The following FHIT variants were observed in gnomAD, a reference collection of about 807,000 sequenced individuals.
The protein encoded by FHIT is bis(5'-adenosyl)-triphosphatase.
FHIT carries 19 observed loss-of-function variants against 17.9 expected under a neutral mutation model. The observed-to-expected ratio is 1.06, with a 90% CI of 0.74 to 1.56. FHIT has a LOEUF of 1.56. FHIT is among the 40% of genes most tolerant of loss of function. The pLI, the probability that FHIT is intolerant of heterozygous loss-of-function variation, is 0.00. For synonymous variants in FHIT, 81 were observed against 69.7 expected, an observed-to-expected ratio of 1.16 and a Z score of -0.81; for missense variants, 248 against 189.2, an observed-to-expected ratio of 1.31 and a Z score of -1.82.
chr3:60,228,299 A>T lies in FHIT; in HGVS notation c.104-214147T>A, dbSNP rs983359616. 1.8e-4 allele frequency among the ~76,000 whole-genome samples: 28 copies of T among 152,172 alleles called. 1 individual carries two copies. Among genetic ancestry groups the T allele is most frequent in the Admixed American group, 1.8e-3 (27 of 15,278 alleles). On this transcript the variant is annotated intron_variant, in intron 5 of 9. Transcript: ENST00000492590. ...CAAAGAAAATTAGTGGTTGCCAGGG[A>T]CATTAAGCATAGGAGAATGAGGGTG...
At chr3:59,823,321 T>A (rs893041114) in intron 8 of FHIT, among the ~76,000 whole-genome samples, 7 of 152,228 alleles carry the variant, frequency 4.6e-5, no homozygotes, top group Non-Finnish European at 5.9e-5. Flanking sequence ...TCTCTAATTC[T>A]GTGAAGAATG....
intron 5 of FHIT, among the ~76,000 whole-genome samples, chr3:60,389,021 A>G (rs1701122307): frequency 6.6e-6 from 1 of 152,168 alleles, no homozygotes; most frequent in Non-Finnish European, 1.5e-5. Context: ...GTCTGGCTGT[A>G]AGTTCCTGAG....
chr3:61,143,585 G>T (rs2037145327), intron 2 of FHIT, among the ~76,000 whole-genome samples: 1 of 152,184 alleles, frequency 6.6e-6, no homozygotes, highest in Admixed American at 6.5e-5. Context: ...AAATTTTCTG[G>T]CTGGGCACAG....
intron 8 of FHIT, among the ~76,000 whole-genome samples, chr3:59,764,692 G>A (rs1172186768): frequency 6.6e-6 from 1 of 151,892 alleles, no homozygotes; most frequent in Non-Finnish European, 1.5e-5. Context: ...TGCTTACCAT[G>A]CATGACAGCA....
At chr3:61,085,837 G>T (rs1395281359) in intron 2 of FHIT, among the ~76,000 whole-genome samples, 2 of 152,030 alleles carry the variant, frequency 1.3e-5, no homozygotes, top group Non-Finnish European at 2.9e-5. Context: ...ACATGCAATT[G>T]TTCCACCTCA....
chr3:61,216,336 C>T (rs1277560270), intron 1 of FHIT, among the ~76,000 whole-genome samples: 1 of 152,058 alleles, frequency 6.6e-6, no homozygotes, highest in Non-Finnish European at 1.5e-5. Context: ...GGGCGAAGGA[C>T]ATGAAGAGAC....
At chr3:60,999,359 T>C (rs2030903514) in intron 3 of FHIT, among the ~76,000 whole-genome samples, 1 of 151,754 alleles carries the variant, frequency 6.6e-6, no homozygotes, top group Non-Finnish European at 1.5e-5. Flanking sequence ...TTGCAAGAAA[T>C]CTAACAGGAT....
intron 5 of FHIT, among the ~76,000 whole-genome samples, chr3:60,396,775 GATTA>G (rs1001123993): frequency 1.6e-4 from 24 of 152,100 alleles, no homozygotes; most frequent in African/African-American, 5.6e-4. Flanking sequence ...CACTTAAAAT[GATTA>G]ATTTTCTATT....
At chr3:60,713,469 A>G (rs1383357163) in intron 4 of FHIT, among the ~76,000 whole-genome samples, 3 of 150,404 alleles carry the variant, frequency 2.0e-5, no homozygotes, top group African/African-American at 7.3e-5. Context: ...AAACCCTTCA[A>G]AAAATTAATG....
At chr3:60,074,325 T>C (rs1051772480) in intron 5 of FHIT, among the ~76,000 whole-genome samples, 3 of 151,962 alleles carry the variant, frequency 2.0e-5, no homozygotes, top group South Asian at 2.1e-4. Flanking sequence ...TCTCCAACCT[T>C]TGTTGGATGG....
In FHIT at chr3:60,013,966, A is replaced by C. The variant is rs774535251; in HGVS notation, c.249+41T>G. On this transcript the variant is annotated intron_variant, in intron 6 of 9. Transcript: ENST00000492590. Reference sequence around the variant, plus strand: ...GGAGCAAGCCCAATGCCGGGATATGAAAGGGAAGAAAAATCATTTCTGAGA... The same window carrying C: ...GGAGCAAGCCCAATGCCGGGATATGCAAGGGAAGAAAAATCATTTCTGAGA... 213 of 1,603,684 alleles carry C rather than the reference A, an allele frequency of 1.3e-4. No homozygotes were observed. In the South Asian group the frequency reaches 1.7e-3, roughly 13 times the overall value.
chr3:60,179,378 C>G (rs1267632717), intron 5 of FHIT, among the ~76,000 whole-genome samples: 1 of 152,176 alleles, frequency 6.6e-6, no homozygotes. Context: ...TTCTATAAAG[C>G]AAAACCATTT....
intron 5 of FHIT, among the ~76,000 whole-genome samples, chr3:60,239,799 T>A (rs1705033417): frequency 6.6e-6 from 1 of 152,128 alleles, no homozygotes; most frequent in Non-Finnish European, 1.5e-5. Context: ...ACCTTACTAA[T>A]AGACTTAGAT....
At chr3:61,168,609 C>A (rs964921089) in intron 2 of FHIT, among the ~76,000 whole-genome samples, 3 of 152,196 alleles carry the variant, frequency 2.0e-5, no homozygotes, top group Non-Finnish European at 2.9e-5. Flanking sequence ...AGAATGGAGG[C>A]CACACAATGT....
chr3:60,208,349 G>C (rs766973237), intron 5 of FHIT, among the ~76,000 whole-genome samples: 14 of 151,668 alleles, frequency 9.2e-5, no homozygotes, highest in Non-Finnish European at 1.5e-4. Context: ...TCAGAGGTAG[G>C]CAAAGTGTAC....
At chr3:60,485,460 A>T (rs2033796863) in intron 5 of FHIT, among the ~76,000 whole-genome samples, 1 of 152,238 alleles carries the variant, frequency 6.6e-6, no homozygotes, top group South Asian at 2.1e-4. Flanking sequence ...ACACCATGGA[A>T]TACTATGCAG....
intron 5 of FHIT, among the ~76,000 whole-genome samples, chr3:60,517,400 G>T (rs141271789): frequency 6.7e-4 from 101 of 151,152 alleles, no homozygotes; most frequent in African/African-American, 2.4e-3. Flanking sequence ...TCAAATATGA[G>T]TTGTCTTTTA....
At chr3:59,813,383 G>A (rs1052690607) in intron 8 of FHIT, among the ~76,000 whole-genome samples, 2 of 152,138 alleles carry the variant, frequency 1.3e-5, no homozygotes, top group African/African-American at 4.8e-5. Context: ...GCCTGAGGAC[G>A]TACCCTCGCA....
intron 5 of FHIT, among the ~76,000 whole-genome samples, chr3:60,089,208 G>C (rs1288515297): frequency 1.3e-5 from 2 of 152,086 alleles, no homozygotes. Context: ...TATAATCAGA[G>C]GTCTTAACAA....
Sources: gnomAD v4.1 joint callset for allele counts (sites outside exome capture counted in the v4.1 genomes callset) on GRCh38, gnomAD v4.1.1 for gene constraint, MANE v1.5 for transcripts, NCBI Gene and HGNC (gene_info 2026-07-23, HGNC 2026-07-21) for gene names.